KIF7: variants seen among roughly 807,000 people sequenced by gnomAD.
KIF7 encodes the protein kinesin-like protein KIF7.
In KIF7, 104 loss-of-function variants were observed where a neutral mutation model predicts 135.7. The observed-to-expected ratio is 0.77, with a 90% CI of 0.65 to 0.90. KIF7 has a LOEUF of 0.90. KIF7 is among the 40% of genes least tolerant of loss of function. KIF7 has a pLI of 0.00. For missense variants in KIF7, 2,005 were observed against 1,839.1 expected (o/e 1.09, Z -1.65); for synonymous variants, 883 against 809.4 (o/e 1.09, Z -1.54).
chr15:89,624,308 C>G (rs746304041), downstream of KIF7: 1 of 1,614,170 alleles, frequency 6.2e-7, no homozygotes, highest in African/African-American at 1.3e-5. Context: ...ATAGAGTGTC[C>G]TTCCCCAGGA....
chr15:89,621,330 A>C, intron 1 of KIF7: 1 of 1,525,450 alleles, frequency 6.6e-7, no homozygotes, highest in South Asian at 1.3e-5. Context: ...TGGCTGTTTT[A>C]ATAGTATTGG....
At chr15:89,660,278 C>T (rs1827817867), upstream of KIF7, among the ~76,000 whole-genome samples, 1 of 152,186 alleles carries the variant, frequency 6.6e-6, no homozygotes, top group Non-Finnish European at 1.5e-5. Flanking sequence ...TACCCCCATC[C>T]CTGGGATCTA....
rs1224341278 is a variant in KIF7, at chr15:89,629,572, A to G, written c.3320T>C (p.Val1107Ala). The stretch of plus-strand genomic sequence containing the variant: ...GTGCTGCTCCTCTCGGAGCGTCACC[A>G]CCTGTCCCAAGACCCAGCCAGGCTC... ...RALLCKYFDK[V>A]VTLREEQHQQ... The change falls in exon 17 of 19, where the codon GTG (valine) becomes GCG (alanine). Residue 1107 changes from valine to alanine, a missense_variant and splice_region_variant. Coordinates refer to ENST00000394412, the MANE Select transcript of KIF7 (RefSeq NM_198525.3). The G allele has an allele frequency of 6.2e-7, 1 of 1,605,026 alleles. No individual in the cohort carries two copies. The highest frequency in any genetic ancestry group is 1.7e-5 in the Admixed American group (1 of 60,006).
At chr15:89,644,236 G>A (rs556872137) in intron 10 of KIF7, among the ~76,000 whole-genome samples, 16 of 152,134 alleles carry the variant, frequency 1.1e-4, no homozygotes, top group South Asian at 4.2e-4. Context: ...AAACTACCCC[G>A]TGTCCCCTCC....
intron 1 of KIF7, chr15:89,619,863 C>T (rs1367890521): frequency 1.3e-6 from 2 of 1,591,274 alleles, no homozygotes; most frequent in Non-Finnish European, 1.7e-6. Context: ...GGCCCCTCTG[C>T]CTTCACAAGT....
At chr15:89,626,879 C>G, downstream of KIF7, 1 of 1,516,902 alleles carries the variant, frequency 6.6e-7, no homozygotes, top group Non-Finnish European at 9.0e-7. Context: ...GTGTGTAACC[C>G]TCTGCAATTT....
In KIF7 at chr15:89,652,756, C is replaced by T. The variant is rs369404071; in HGVS notation, c.175G>A (p.Val59Met). Residue 59 changes from valine (V) to methionine (M), a missense_variant, in exon 2 of 19, where the codon GTG becomes ATG. Physicochemically the swap from Val to Met is conservative, Grantham distance 21 (BLOSUM62 1). Transcript: ENST00000394412. ...TGCCCCGCATCCTCGGCCAGCACCA[C>T]GTGGAAGCCAAAGTGTCGGTCACGG... ...LGRDRHFGFH[V>M]VLAEDAGQEA... The T allele has an allele frequency of 1.7e-5, 27 of 1,551,584 alleles. No individual in the cohort carries two copies. In the South Asian group the frequency reaches 1.9e-4, roughly 11 times the overall value.
In KIF7 at chr15:89,630,442, C is replaced by T. The variant is rs1963648355; in HGVS notation, c.3163G>A (p.Ala1055Thr). 1 of 1,589,396 alleles carries T rather than the reference C, an allele frequency of 6.3e-7. No individual in the cohort carries two copies. Among genetic ancestry groups the T allele is most frequent in the Non-Finnish European group, 8.6e-7 (1 of 1,167,528 alleles). Residue 1055 changes from alanine to threonine, a missense_variant, in exon 16 of 19, where the codon GCC becomes ACC. By Grantham distance (58) the Ala-to-Thr change is moderately conservative. Transcript: ENST00000394412. ...ATGGCCTCATTCTTATACTCAATGG[C>T]AGCATCCAGGGCCTCGATGGCCTCA... ...LDEAIEALDA[A>T]IEYKNEAITC...
intron 2 of KIF7, among the ~76,000 whole-genome samples, chr15:89,650,766 G>A (rs948893971): frequency 6.6e-6 from 1 of 151,686 alleles, no homozygotes; most frequent in Non-Finnish European, 1.5e-5. Flanking sequence ...GTAGAGACAG[G>A]GTCTTGCTGT....
At chr15:89,626,807 G>A, downstream of KIF7, 4 of 840,230 alleles carry the variant, frequency 4.8e-6, no homozygotes, top group Non-Finnish European at 3.8e-6. Flanking sequence ...AAAAGTGTAG[G>A]TACCATTTCT....
At chr15:89,624,931 G>A (rs779649454), downstream of KIF7, 1 of 1,614,074 alleles carries the variant, frequency 6.2e-7, no homozygotes, top group South Asian at 1.1e-5. Context: ...GGCACAACTA[G>A]ACAACCTGCC....
At chr15:89,653,989 ATTTTTGTTTTTG>A (rs757468965) in intron 1 of KIF7, among the ~76,000 whole-genome samples, 1 of 151,830 alleles carries the variant, frequency 6.6e-6, no homozygotes, top group Non-Finnish European at 1.5e-5. Context: ...GATTCAAAAT[ATTTTTGTTTTTG>A]TTTTTGTTTT....
At chr15:89,642,152 C>T in intron 11 of KIF7, 51 bp downstream of exon 11, 1 of 1,576,040 alleles carries the variant, frequency 6.3e-7, no homozygotes, top group South Asian at 1.1e-5. Context: ...GGATGGCAGC[C>T]TAGGAGGCAG....
intron 12 of KIF7, 92 bp from the exon 13 acceptor site, chr15:89,633,358 C>T (rs1404344692): frequency 6.7e-7 from 1 of 1,498,140 alleles, no homozygotes; most frequent in African/African-American, 1.4e-5. Context: ...GAGTGCCTGC[C>T]CACTCCCAAG....
chr15:89,637,782 TC>T (rs1567061850), intron 11 of KIF7, among the ~76,000 whole-genome samples: 1 of 143,108 alleles, frequency 7.0e-6, no homozygotes, highest in African/African-American at 2.6e-5. Flanking sequence ...ACTATTCCAA[TC>T]AATAGAAAAA....
chr15:89,626,126 C>A, downstream of KIF7: 1 of 1,582,372 alleles, frequency 6.3e-7, no homozygotes, highest in South Asian at 1.2e-5. Context: ...CCAGGGTTGC[C>A]AGGCAGCTCG....
chr15:89,618,069 G>T (rs1596056604), exon 2 of KIF7: 2 of 1,359,024 alleles, frequency 1.5e-6, no homozygotes, highest in African/African-American at 2.9e-5. Flanking sequence ...TTGTGATCTT[G>T]TTAAGTGAGA....
chr15:89,623,718 A>G, downstream of KIF7: 1 of 1,614,106 alleles, frequency 6.2e-7, no homozygotes. Context: ...ATACTCCAGA[A>G]AGGCTGCAGA....
chr15:89,623,327 A>G (rs1230819977), downstream of KIF7, among the ~76,000 whole-genome samples: 2 of 152,270 alleles, frequency 1.3e-5, no homozygotes, highest in Non-Finnish European at 2.9e-5. Context: ...GAGTAGCTGC[A>G]GTGGTAGAAT....
Sources: gnomAD v4.1 joint callset for allele counts (sites outside exome capture counted in the v4.1 genomes callset) on GRCh38, gnomAD v4.1.1 for gene constraint, MANE v1.5 for transcripts, NCBI Gene and HGNC (gene_info 2026-07-23, HGNC 2026-07-21) for gene names.